Variants in GABRA5 observed in about 807,000 individuals in gnomAD.
The protein encoded by GABRA5 is gamma-aminobutyric acid type A receptor subunit alpha5, also known as gamma-aminobutyric acid receptor subunit alpha-5.
A neutral mutation model predicts 47.3 loss-of-function variants in GABRA5; 18 were observed. The ratio of observed to expected loss-of-function variants is 0.38; its 90% CI spans 0.26 to 0.56. The LOEUF (loss-of-function observed/expected upper bound fraction) is 0.56, where lower values mean the gene tolerates loss of function less well. Among genes scored for constraint, GABRA5 ranks in the 20% least tolerant of loss-of-function variants. GABRA5 has a pLI of 0.71. For missense variants in GABRA5, 365 were observed against 599.3 expected, an observed-to-expected ratio of 0.61 and a Z score of 4.08; for synonymous variants, 237 against 229.3, an observed-to-expected ratio of 1.03 and a Z score of -0.30.
chr15:26,871,979 G>T (rs1044734639), intron 3 of GABRA5, among the ~76,000 whole-genome samples: 1 of 152,108 alleles, frequency 6.6e-6, no homozygotes, highest in Non-Finnish European at 1.5e-5. Flanking sequence ...TTGACCCTGC[G>T]CGCCCAATTG....
In GABRA5 at chr15:26,883,502, A is replaced by G. The variant is rs1295956845; in HGVS notation, c.442A>G (p.Thr148Ala). 3 of 1,565,054 alleles carry G rather than the reference A, an allele frequency of 1.9e-6. No individual in the cohort carries two copies. The highest frequency in any genetic ancestry group is 1.1e-5 in the South Asian group (1 of 90,642). The change falls in exon 6 of 11, where the codon ACG (threonine) becomes GCG (alanine). Residue 148 changes from threonine to alanine, a missense_variant. This residue lies in a region of GABRA5 where 216 missense variants were observed against 335.3 expected (regional missense o/e 0.64). Transcript: ENST00000335625. This position sits in a 1 kb window ranked among gnomAD's most constrained non-coding sequence, Gnocchi z 4.8. ...GKKSIAHNMT[T>A]PNKLLRLEDD... ...GAAGTCCATCGCTCACAACATGACC[A>G]CGCCCAACAAGCTGCTGCGGCTGGA...
intron 7 of GABRA5, among the ~76,000 whole-genome samples, chr15:26,924,591 G>A (rs1354432438): frequency 1.3e-5 from 2 of 152,158 alleles, no homozygotes; most frequent in Admixed American, 1.3e-4. Context: ...CAACGTCCTG[G>A]CCCCCTTAGT....
Position 26,914,827 on chromosome 15 carries a change from C to T in GABRA5, c.522C>T (p.Pro174=). The T allele has an allele frequency of 6.2e-7, 1 of 1,613,928 alleles. No individual in the cohort carries two copies. The highest frequency in any genetic ancestry group is 8.5e-7 in the Non-Finnish European group (1 of 1,179,814). ...TMRLTISAEC[P]MQLEDFPMDA... is the part of the protein sequence containing the mutation. ...GCTTGACCATCTCTGCAGAGTGCCC[C>T]ATGCAGCTTGAGGACTTCCCGATGG... is the stretch of plus-strand genomic sequence containing the variant. The change falls in exon 7 of 11, where the codon CCC becomes CCT. Residue 174 remains proline, a synonymous_variant. Coordinates refer to ENST00000335625, the MANE Select transcript of GABRA5 (RefSeq NM_000810.4).
intron 7 of GABRA5, among the ~76,000 whole-genome samples, chr15:26,925,258 C>T (rs1893933470): frequency 1.3e-5 from 2 of 151,906 alleles, no homozygotes; most frequent in South Asian, 4.1e-4. Flanking sequence ...GTTCTAATTA[C>T]ATGTACTACA....
At chr15:26,937,663 G>T (rs1894279943) in intron 8 of GABRA5, among the ~76,000 whole-genome samples, 1 of 152,182 alleles carries the variant, frequency 6.6e-6, no homozygotes, top group South Asian at 2.1e-4. Context: ...CCCACCTCCT[G>T]CTTTAAACAG....
chr15:26,926,945 A>G (rs111937190), intron 7 of GABRA5, among the ~76,000 whole-genome samples: 3,450 of 152,252 alleles, frequency 0.023, 152 homozygotes, highest in African/African-American at 0.08. Flanking sequence ...ATCACACTCA[A>G]AGCTAAAATA....
Position 26,867,372 on chromosome 15 carries a change from G to C in GABRA5, c.-140+261G>C, listed in dbSNP as rs1400787315. 2 of 151,902 alleles carry C rather than the reference G, an allele frequency of 1.3e-5. No individual in the cohort carries two copies. The highest frequency in any genetic ancestry group is 4.8e-5 in the African/African-American group (2 of 41,384). 9.4% of individuals were successfully genotyped at this position (151,902 alleles called of 1,614,324 possible). A position where few individuals can be genotyped will look rare whatever the true frequency, so the allele number is the denominator to read the frequency against. On this transcript the variant is annotated intron_variant, in intron 1 of 10. Transcript: ENST00000335625. The surrounding 1 kb of genome is among the most constrained non-coding windows in gnomAD (Gnocchi z 5.9). ...CCTCACCGACGGCTCGCCTCCCGGG[G>C]CCGGCGCGCAGGGTGAGCCCTGGGC...
chr15:26,916,336 T>G (rs1223851798), intron 7 of GABRA5, among the ~76,000 whole-genome samples: 1 of 152,206 alleles, frequency 6.6e-6, no homozygotes, highest in Non-Finnish European at 1.5e-5. Context: ...AGATTATCTT[T>G]TCCTCATTTT....
At position 26,885,092 on chromosome 15, in the gene GABRA5, C is replaced by T. The variant is rs1450994513; in HGVS notation, c.497+1535C>T. Among the ~76,000 whole-genome samples the T allele has an allele frequency of 3.3e-5, 5 of 151,992 alleles. No individual in the cohort carries two copies. In the East Asian group the frequency reaches 7.8e-4, roughly 24 times the overall value. On this transcript the variant is annotated intron_variant, in intron 6 of 10. Transcript: ENST00000335625. ...CGGGAGGATCACGAGATCAGGAGAT[C>T]GAGACCATCCTGGCTAACTTGGTGA...
intron 6 of GABRA5, among the ~76,000 whole-genome samples, chr15:26,897,646 A>G (rs927926144): frequency 1.3e-5 from 2 of 152,324 alleles, no homozygotes; most frequent in Middle Eastern, 6.8e-3. Flanking sequence ...CAGGAGTACA[A>G]GTTGCCCCTT....
chr15:26,897,146 G>GC (rs1187994490), intron 6 of GABRA5, among the ~76,000 whole-genome samples: 15 of 152,016 alleles, frequency 9.9e-5, no homozygotes, highest in African/African-American at 3.6e-4. Flanking sequence ...ATTTTAACCA[G>GC]CCAAAGCAGC....
intron 6 of GABRA5, among the ~76,000 whole-genome samples, chr15:26,905,999 C>G (rs1566875410): frequency 6.6e-6 from 1 of 151,922 alleles, no homozygotes; most frequent in African/African-American, 2.4e-5. Flanking sequence ...AGTTTTCATT[C>G]ATTTATTTTT....
intron 7 of GABRA5, among the ~76,000 whole-genome samples, chr15:26,927,573 C>T (rs1893991471): frequency 6.6e-6 from 1 of 152,174 alleles, no homozygotes. Flanking sequence ...ACTGTACACA[C>T]TTCACCTTTC....
intron 10 of GABRA5, among the ~76,000 whole-genome samples, chr15:26,944,287 C>T (rs531444757): frequency 1.6e-4 from 25 of 152,230 alleles, no homozygotes; most frequent in Non-Finnish European, 3.2e-4. Flanking sequence ...CTGCTTCCAT[C>T]CCATCCACAG....
At chr15:26,898,704 T>C (rs908505966) in intron 6 of GABRA5, among the ~76,000 whole-genome samples, 13 of 151,030 alleles carry the variant, frequency 8.6e-5, no homozygotes, top group African/African-American at 2.2e-4. Flanking sequence ...TTTCCTTTTT[T>C]CAGTTATCTT....
intron 9 of GABRA5, 132 bp from the exon 10 acceptor site, chr15:26,943,083 C>G: frequency 1.5e-6 from 1 of 681,354 alleles, no homozygotes; most frequent in Admixed American, 2.9e-5. Context: ...GACTCTGTCT[C>G]AAAATAAAAA....
chr15:26,869,681 A>G (rs775348989), intron 3 of GABRA5, among the ~76,000 whole-genome samples: 46 of 152,252 alleles, frequency 3.0e-4, no homozygotes, highest in Non-Finnish European at 5.9e-4. Context: ...ACTGCTTGTT[A>G]GACAAGGCAG....
chr15:26,938,126 G>A (rs960498100), intron 8 of GABRA5, among the ~76,000 whole-genome samples: 14 of 152,358 alleles, frequency 9.2e-5, no homozygotes, highest in South Asian at 4.1e-4. Flanking sequence ...CACCCCTACC[G>A]TTGCAGCTGG....
At chr15:26,923,903 A>G (rs944471524) in intron 7 of GABRA5, among the ~76,000 whole-genome samples, 1 of 151,806 alleles carries the variant, frequency 6.6e-6, no homozygotes, top group Non-Finnish European at 1.5e-5. Context: ...TTTTAATTCT[A>G]AAACTTCTAT....
Sources: allele counts gnomAD v4.1 joint callset (sites outside exome capture counted in the v4.1 genomes callset), GRCh38; gene constraint gnomAD v4.1.1; regional missense constraint gnomAD v4.1.1; non-coding constraint Gnocchi (gnomAD v3.1); transcripts MANE v1.5; gene names NCBI Gene and HGNC (gene_info 2026-07-23, HGNC 2026-07-21).